Variants in ATAD5 observed in about 807,000 individuals in gnomAD.
The protein encoded by ATAD5 is ATPase family AAA domain containing 5.
ATAD5 carries 58 observed loss-of-function variants against 176.9 expected under a neutral mutation model. The observed-to-expected ratio is 0.33, with a 90% CI of 0.27 to 0.41. ATAD5 has a LOEUF of 0.41. ATAD5 is among the 10% of genes least tolerant of loss of function. The pLI, the probability that ATAD5 is intolerant of heterozygous loss-of-function variation, is 1.00. For synonymous variants in ATAD5, 640 were observed against 712.6 expected (o/e 0.90, Z 1.62); for missense variants, 1,789 against 2,094.1 (o/e 0.85, Z 2.84).
Position 30,893,343 on chromosome 17 carries a change from C to A in ATAD5, c.4490C>A (p.Thr1497Lys), listed in dbSNP as rs757045361. The stretch of plus-strand genomic sequence containing the variant: ...TGGCATAAATTCATCCAGCTTCTTA[C>A]AGAATTCCAAATGCGGAATGTAGAT... ...EEWHKFIQLL[T>K]EFQMRNVDFL... Residue 1497 changes from threonine (T) to lysine (K), a missense_variant, in exon 21 of 23, where the codon ACA becomes AAA. Around this residue, in one of 6 missense-constraint regions of ATAD5, gnomAD observed 403 missense variants for 495.1 expected, o/e 0.81. Coordinates refer to ENST00000321990, the MANE Select transcript of ATAD5 (RefSeq NM_024857.5). The A allele has an allele frequency of 6.9e-6, 11 of 1,589,912 alleles. No individual in the cohort carries two copies. The highest frequency in any genetic ancestry group is 9.4e-6 in the Non-Finnish European group (11 of 1,170,804).
intron 10 of ATAD5, among the ~76,000 whole-genome samples, chr17:30,865,189 T>G (rs1187436157): frequency 6.6e-6 from 1 of 151,570 alleles, no homozygotes; most frequent in Non-Finnish European, 1.5e-5. Context: ...TTTTTTTTTT[T>G]TGAGACGGAG....
At chr17:30,878,718 G>GGTTTTTTTTTTTTT (rs1908812554) in intron 17 of ATAD5, among the ~76,000 whole-genome samples, 5 of 56,838 alleles carry the variant, frequency 8.8e-5, no homozygotes, top group African/African-American at 3.3e-4. Context: ...GTTAGGTGGT[G>GGTTTTTTTTTTTTT]TTTTTTTTTT....
Position 30,834,247 on chromosome 17 carries a change from C to G in ATAD5, c.166C>G (p.Pro56Ala), listed in dbSNP as rs1329753735. The G allele has an allele frequency of 1.2e-6, 2 of 1,612,580 alleles. No individual in the cohort carries two copies. The highest frequency in any genetic ancestry group is 1.7e-5 in the Admixed American group (1 of 59,752). The change falls in exon 2 of 23, where the codon CCA (proline) becomes GCA (alanine). Residue 56 changes from proline to alanine, a missense_variant. By Grantham distance (27) the Pro-to-Ala change is conservative. This residue lies in a region of ATAD5 where 696 missense variants were observed against 712.5 expected (regional missense o/e 0.98). Transcript: ENST00000321990. ...GAAGACTAGAGACAGGGTTTTTGCT[C>G]CACCAAAACCTAGTAATATTCTGGA... ...LGKTRDRVFAPPKPSNILDYF... is the reference protein window; with the variant it reads ...LGKTRDRVFAAPKPSNILDYF...
rs1422655475 is a variant in ATAD5, at chr17:30,832,053, C to G, written c.-295C>G. The G allele has an allele frequency of 1.1e-5, 4 of 378,424 alleles. No homozygotes were observed. Among genetic ancestry groups the G allele is most frequent in the East Asian group, 3.8e-5 (1 of 26,332 alleles). 23.4% of individuals were successfully genotyped at this position (378,424 alleles called of 1,614,324 possible). A position where few individuals can be genotyped will look rare whatever the true frequency, so the allele number is the denominator to read the frequency against. ...CTGCGGTCCGCTTGCTTTCCCTGCCCGGTCCCGAGCGCTCAGCCTGAAGCG... is the reference window on the plus strand; with the variant it reads ...CTGCGGTCCGCTTGCTTTCCCTGCCGGGTCCCGAGCGCTCAGCCTGAAGCG... On this transcript the variant is annotated 5_prime_UTR_variant, in exon 1 of 23. Transcript: ENST00000321990.
chr17:30,846,643 C>T (rs1327970830), intron 6 of ATAD5, among the ~76,000 whole-genome samples: 7 of 151,780 alleles, frequency 4.6e-5, no homozygotes, highest in East Asian at 1.9e-4. Context: ...CCTTGTGATC[C>T]GCCTGCCTTG....
At chr17:30,837,949 C>T (rs1905854781) in intron 3 of ATAD5, among the ~76,000 whole-genome samples, 1 of 152,154 alleles carries the variant, frequency 6.6e-6, no homozygotes, top group South Asian at 2.1e-4. Flanking sequence ...GACTGAAAAG[C>T]AGAGTTTCTC....
intron 10 of ATAD5, chr17:30,864,560 C>T (rs1029302670): frequency 5.9e-5 from 9 of 152,176 alleles, no homozygotes; most frequent in African/African-American, 2.2e-4. Context: ...GACAGGGTCA[C>T]ACTATGTTGC....
intron 9 of ATAD5, 78 bp from the exon 10 acceptor site, chr17:30,860,355 G>T (rs1907553319): frequency 6.8e-7 from 1 of 1,469,484 alleles, no homozygotes; most frequent in Non-Finnish European, 9.2e-7. Flanking sequence ...CAAGACTATT[G>T]GATACTTGGA....
chr17:30,893,881 C>G lies in ATAD5; in HGVS notation c.5028C>G (p.Asp1676Glu). ...AACAAAACAAATACGGTAGAAATGA[C>G]TTTAGTTGGACAAATGGAAAGGTTA... ...VREQNKYGRNDFSWTNGKVTS... is the reference protein window; with the variant it reads ...VREQNKYGRNEFSWTNGKVTS... Residue 1676 changes from aspartate to glutamate, a missense_variant, in exon 21 of 23, where the codon GAC (aspartate) becomes GAG (glutamate). Asp to Glu is a conservative substitution (Grantham distance 45, BLOSUM62 2). Around this residue, in one of 6 missense-constraint regions of ATAD5, gnomAD observed 403 missense variants for 495.1 expected, o/e 0.81. Coordinates refer to ENST00000321990, the MANE Select transcript of ATAD5 (RefSeq NM_024857.5). The G allele has an allele frequency of 6.2e-7, 1 of 1,613,960 alleles. No homozygotes were observed. The highest frequency in any genetic ancestry group is 1.7e-4 in the Middle Eastern group (1 of 6,060).
chr17:30,877,300 C>T (rs775327112), intron 15 of ATAD5, 116 bp from the exon 16 acceptor site: 16 of 734,176 alleles, frequency 2.2e-5, no homozygotes, highest in African/African-American at 7.3e-5. Flanking sequence ...TGAGCCACCG[C>T]GCCCGTCCTG....
In ATAD5 at chr17:30,887,362, A is replaced by C; in HGVS notation, c.4248A>C (p.Leu1416Phe). 1.3e-6 allele frequency: 2 copies of C among 1,599,206 alleles called. No individual in the cohort carries two copies. Among genetic ancestry groups the C allele is most frequent in the Non-Finnish European group, 1.7e-6 (2 of 1,175,330 alleles). The change falls in exon 19 of 23, where the codon TTA becomes TTC. Residue 1416 changes from leucine to phenylalanine, a missense_variant. Coordinates refer to ENST00000321990, the MANE Select transcript of ATAD5 (RefSeq NM_024857.5). ...GTGGAGTTTTAGAAGAACGACCATT[A>C]ACCCTTTATCGTAAGTTGATTTGTT... is the stretch of plus-strand genomic sequence containing the variant. Reference protein sequence around the residue: ...SGGGVLEERPLTLYRGNSRNV... With the variant: ...SGGGVLEERPFTLYRGNSRNV...
Position 30,875,865 on chromosome 17 carries a change from C to T in ATAD5, c.3608-509C>T, listed in dbSNP as rs1908631138. On this transcript the variant is annotated intron_variant, in intron 14 of 22. Coordinates refer to ENST00000321990, the MANE Select transcript of ATAD5 (RefSeq NM_024857.5). ...TCTAAATGACTGGCTTGGCCGTGTG[C>T]GGTGGCTCATGCCTGTAATCCGAGC... Among the ~76,000 whole-genome samples the T allele has an allele frequency of 2.7e-5, 4 of 149,704 alleles. No individual in the cohort carries two copies. The South Asian group carries it at 8.5e-4, about 32-fold the overall frequency.
intron 20 of ATAD5, 57 bp from the exon 21 acceptor site, chr17:30,893,237 A>G (rs1909730329): frequency 2.7e-6 from 4 of 1,498,742 alleles, no homozygotes; most frequent in Non-Finnish European, 3.6e-6. Context: ...ATACAGGTAG[A>G]AAAGTATTCA....
chr17:30,836,457 C>T (rs914860305), intron 2 of ATAD5, among the ~76,000 whole-genome samples: 6 of 151,854 alleles, frequency 4.0e-5, no homozygotes, highest in Admixed American at 1.3e-4. Flanking sequence ...GGATTATAGT[C>T]GTGAGCCACT....
At position 30,835,545 on chromosome 17, in the gene ATAD5, T is replaced by TG; in HGVS notation, c.1468dup (p.Ala490GlyfsTer28). On this transcript the variant is annotated frameshift_variant, in exon 2 of 23. Coordinates refer to ENST00000321990, the MANE Select transcript of ATAD5 (RefSeq NM_024857.5). LOFTEE classifies it high-confidence loss of function. ...AGAAGAATAAGAAAACATTAGATAC[T>TG]GGGGCTATTCCAGGCAAAAACAGAG... 2 of 1,610,980 alleles carry TG rather than the reference T, an allele frequency of 1.2e-6. No homozygotes were observed. The highest frequency in any genetic ancestry group is 1.7e-6 in the Non-Finnish European group (2 of 1,179,080).
At chr17:30,843,828 G>A in intron 4 of ATAD5, 85 bp from the exon 5 acceptor site, 1 of 787,422 alleles carries the variant, frequency 1.3e-6, no homozygotes, top group African/African-American at 1.8e-5. Context: ...TGTTTTCTGT[G>A]GTTTCTATCA....
chr17:30,894,526 G>T, intron 21 of ATAD5, 38 bp from the exon 22 acceptor site: 2 of 1,573,710 alleles, frequency 1.3e-6, no homozygotes, highest in Non-Finnish European at 1.7e-6. Flanking sequence ...CATTTTTCTT[G>T]GGCATTAAAA....
In ATAD5 at chr17:30,888,683, C is replaced by T. The variant is rs572926500; in HGVS notation, c.4258+1311C>T. Among the ~76,000 whole-genome samples, 8 of 152,120 alleles carry T rather than the reference C, an allele frequency of 5.3e-5. No individual in the cohort carries two copies. In the South Asian group the frequency reaches 6.2e-4, roughly 12 times the overall value. ...CTTTACCTTTTTGAGCCTGTTTTTT[C>T]ACCTAAAAAAGGAGAGATCTGAACT... is the stretch of plus-strand genomic sequence containing the variant. On this transcript the variant is annotated intron_variant, in intron 19 of 22. Transcript: ENST00000321990.
At chr17:30,877,682 A>G in intron 16 of ATAD5, 133 bp downstream of exon 16, 1 of 950,310 alleles carries the variant, frequency 1.1e-6, no homozygotes, top group South Asian at 1.6e-5. Context: ...TTGAAATTAA[A>G]GCAAATTAAA....
Sources: allele counts gnomAD v4.1 joint callset (sites outside exome capture counted in the v4.1 genomes callset), GRCh38; gene constraint gnomAD v4.1.1; regional missense constraint gnomAD v4.1.1; transcripts MANE v1.5; gene names NCBI Gene and HGNC (gene_info 2026-07-23, HGNC 2026-07-21).